The following COP1 variants were observed in gnomAD, a reference collection of about 807,000 sequenced individuals.
COP1 encodes the protein COP1 E3 ubiquitin ligase, also known as E3 ubiquitin-protein ligase COP1.
A neutral mutation model predicts 101.3 loss-of-function variants in COP1; 24 were observed. The observed-to-expected ratio is 0.24, with a 90% CI of 0.17 to 0.33. The LOEUF (loss-of-function observed/expected upper bound fraction) is 0.33. COP1 is among the 10% of genes least tolerant of loss of function. The probability of loss-of-function intolerance (pLI) is 1.00; values close to 1 mark genes in which losing one functional copy is unlikely to be tolerated. For synonymous variants in COP1, 347 were observed against 341.9 expected (o/e 1.01, Z -0.17); for missense variants, 663 against 906.2 (o/e 0.73, Z 3.45).
At chr1:175,967,432 G>A (rs1457696506) in intron 18 of COP1, among the ~76,000 whole-genome samples, 1 of 152,184 alleles carries the variant, frequency 6.6e-6, no homozygotes, top group East Asian at 1.9e-4. Flanking sequence ...GTTGCAGTGA[G>A]CTGAGATTAT....
At chr1:176,020,180 G>A (rs1009798692) in intron 15 of COP1, among the ~76,000 whole-genome samples, 2 of 150,996 alleles carry the variant, frequency 1.3e-5, no homozygotes, top group East Asian at 2.0e-4. Flanking sequence ...GCATGGTGGC[G>A]CATGCCTGTA....
At chr1:176,135,803 T>G (rs190593687) in intron 7 of COP1, among the ~76,000 whole-genome samples, 13 of 152,176 alleles carry the variant, frequency 8.5e-5, no homozygotes, top group Admixed American at 3.9e-4. Flanking sequence ...TAATGCAACC[T>G]CAGCTCAATC....
At chr1:176,005,334 T>C (rs1192306099) in intron 15 of COP1, among the ~76,000 whole-genome samples, 1 of 152,228 alleles carries the variant, frequency 6.6e-6, no homozygotes. Flanking sequence ...TGTAGGGTTT[T>C]TTGTGTCTCT....
chr1:176,111,711 T>C (rs1685321802), intron 9 of COP1, among the ~76,000 whole-genome samples: 1 of 152,236 alleles, frequency 6.6e-6, no homozygotes, highest in Admixed American at 6.5e-5. Flanking sequence ...CTGTCTATTT[T>C]GTTCATACTT....
At chr1:176,036,074 T>A (rs373907202) in intron 14 of COP1, among the ~76,000 whole-genome samples, 42 of 152,160 alleles carry the variant, frequency 2.8e-4, no homozygotes, top group African/African-American at 9.4e-4. Flanking sequence ...AAAGCAAATA[T>A]ACTAGTCATG....
intron 8 of COP1, among the ~76,000 whole-genome samples, chr1:176,117,157 G>A (rs955373380): frequency 6.6e-6 from 1 of 152,178 alleles, no homozygotes; most frequent in Admixed American, 6.5e-5. Context: ...AAAATGAGGT[G>A]ATGTAGGCTA....
intron 2 of COP1, among the ~76,000 whole-genome samples, chr1:176,184,396 AG>A (rs1698193663): frequency 6.6e-6 from 1 of 152,214 alleles, no homozygotes. Context: ...TAATAAACGC[AG>A]AAGTTTTCAA....
At chr1:176,088,125 G>C (rs566744989) in intron 9 of COP1, among the ~76,000 whole-genome samples, 1 of 152,128 alleles carries the variant, frequency 6.6e-6, no homozygotes, top group Admixed American at 6.5e-5. Flanking sequence ...GATGGGTGAG[G>C]GATAGCACTA....
chr1:176,171,097 C>A (rs1349919329), intron 3 of COP1, among the ~76,000 whole-genome samples: 1 of 132,850 alleles, frequency 7.5e-6, no homozygotes, highest in Non-Finnish European at 1.5e-5. Context: ...TGCACTCCAG[C>A]CTGGGCAACA....
At chr1:176,057,172 C>T (rs1198553159) in intron 11 of COP1, among the ~76,000 whole-genome samples, 1 of 152,162 alleles carries the variant, frequency 6.6e-6, no homozygotes, top group Non-Finnish European at 1.5e-5. Flanking sequence ...TCTTATTATC[C>T]ATTATATTGT....
At chr1:176,072,359 A>C (rs561110454) in intron 11 of COP1, among the ~76,000 whole-genome samples, 1 of 152,372 alleles carries the variant, frequency 6.6e-6, no homozygotes, top group East Asian at 1.9e-4. Flanking sequence ...AGACATAGGA[A>C]TATGCAAGAA....
chr1:176,065,803 G>A (rs973213894), intron 11 of COP1, among the ~76,000 whole-genome samples: 10 of 151,514 alleles, frequency 6.6e-5, no homozygotes, highest in Non-Finnish European at 1.5e-4. Flanking sequence ...CACCCCCTGG[G>A]TTCAAGCAAT....
chr1:176,043,639 C>T, intron 13 of COP1, 71 bp downstream of exon 13: 5 of 866,074 alleles, frequency 5.8e-6, no homozygotes, highest in South Asian at 5.8e-5. Context: ...TTATAAGGCA[C>T]ATGAAGTTCT....
At chr1:176,151,517 G>C (rs1281100872) in intron 5 of COP1, among the ~76,000 whole-genome samples, 1 of 152,170 alleles carries the variant, frequency 6.6e-6, no homozygotes, top group African/African-American at 2.4e-5. Flanking sequence ...TCTCAAGAGG[G>C]AGCGTATCTG....
At chr1:175,984,871 A>G (rs563541164) in intron 18 of COP1, among the ~76,000 whole-genome samples, 2 of 152,188 alleles carry the variant, frequency 1.3e-5, no homozygotes, top group East Asian at 3.9e-4. Flanking sequence ...GTTTTGGCCA[A>G]TTTCTCCCAT....
At chr1:175,967,702 C>G (rs1409695731) in intron 18 of COP1, among the ~76,000 whole-genome samples, 2 of 152,136 alleles carry the variant, frequency 1.3e-5, no homozygotes, top group African/African-American at 4.8e-5. Flanking sequence ...ACTTTGGTTA[C>G]AGCCTTAAAA....
At position 176,207,202 on chromosome 1, in the gene COP1, C is replaced by A. The variant is rs377749203; in HGVS notation, c.-224G>T. ...AAAAAAGCGGAGTAGAAGGCACTAC[C>A]GCTGTCGAGGCCGCCGCCGCCACCG... On this transcript the variant is annotated 5_prime_UTR_variant, in exon 1 of 20. Transcript: ENST00000367669. 9.9e-6 allele frequency: 4 copies of A among 405,668 alleles called. No homozygotes were observed. Among genetic ancestry groups the A allele is most frequent in the Non-Finnish European group, 1.3e-5 (3 of 232,204 alleles). The allele number at this position is 405,668 out of a possible 1,614,324, so 25.1% of individuals were successfully genotyped here.
At chr1:176,181,273 T>C (rs1255557428) in intron 2 of COP1, among the ~76,000 whole-genome samples, 3 of 152,140 alleles carry the variant, frequency 2.0e-5, no homozygotes, top group African/African-American at 7.2e-5. Flanking sequence ...TGGATGAGCT[T>C]TGAAGTGGTA....
At chr1:175,983,786 G>A (rs1656446584) in intron 18 of COP1, among the ~76,000 whole-genome samples, 1 of 152,224 alleles carries the variant, frequency 6.6e-6, no homozygotes, top group Non-Finnish European at 1.5e-5. Context: ...TGAGGAACTT[G>A]CTGGGAAATA....
Sources: gnomAD v4.1 joint callset for allele counts (sites outside exome capture counted in the v4.1 genomes callset) on GRCh38, gnomAD v4.1.1 for gene constraint, MANE v1.5 for transcripts, NCBI Gene and HGNC (gene_info 2026-07-23, HGNC 2026-07-21) for gene names.